The following ADAMTSL1 variants were observed in gnomAD, a reference collection of about 807,000 sequenced individuals.
The protein encoded by ADAMTSL1 is ADAMTS like 1.
ADAMTSL1 carries 126 observed loss-of-function variants against 201.8 expected under a neutral mutation model. That is an observed-to-expected ratio of 0.62 (90% confidence interval 0.54 to 0.72). ADAMTSL1 has a LOEUF of 0.72. ADAMTSL1 is among the 30% of genes least tolerant of loss of function. The pLI is 0.00. For synonymous variants in ADAMTSL1, 1,121 were observed against 903.4 expected, an observed-to-expected ratio of 1.24 and a Z score of -4.32; for missense variants, 2,679 against 2,277.8, an observed-to-expected ratio of 1.18 and a Z score of -3.59.
rs370702294 is a variant in ADAMTSL1, at chr9:17,908,910, T to G, written c.87+1988T>G. ...GGACTCGCCACACTGACTTCCACAA[T>G]GGTTGAACTAGTTTACAGTCCCACC... On this transcript the variant is annotated intron_variant, in intron 1 of 29. Transcript: ENST00000680146. 1.2e-3 allele frequency among the ~76,000 whole-genome samples: 177 copies of G among 152,078 alleles called. 2 individuals are homozygous for G. In the East Asian group the frequency reaches 0.017, roughly 15 times the overall value.
intron 21 of ADAMTSL1, among the ~76,000 whole-genome samples, chr9:18,824,033 G>C (rs1588170646): frequency 6.6e-6 from 1 of 151,078 alleles, no homozygotes; most frequent in African/African-American, 2.4e-5. Flanking sequence ...AGGAAGGAAG[G>C]AACGAAGGAA....
intron 2 of ADAMTSL1, among the ~76,000 whole-genome samples, chr9:18,299,637 C>A (rs959744864): frequency 6.6e-6 from 1 of 152,130 alleles, no homozygotes; most frequent in Non-Finnish European, 1.5e-5. Flanking sequence ...GAATTCTTAG[C>A]TTGTAATGGA....
intron 4 of ADAMTSL1, among the ~76,000 whole-genome samples, chr9:18,618,339 C>A (rs1825827140): frequency 1.3e-5 from 2 of 152,100 alleles, no homozygotes; most frequent in Non-Finnish European, 2.9e-5. Context: ...AAACTATTAG[C>A]AAACCATTAT....
chr9:18,863,632 A>C (rs1304642663), intron 23 of ADAMTSL1, among the ~76,000 whole-genome samples: 5 of 152,168 alleles, frequency 3.3e-5, no homozygotes, highest in African/African-American at 1.2e-4. Flanking sequence ...TTCCAATATG[A>C]ATTAATCATT....
intron 4 of ADAMTSL1, among the ~76,000 whole-genome samples, chr9:18,585,303 T>C (rs139829585): frequency 1.3e-5 from 2 of 152,322 alleles, no homozygotes; most frequent in African/African-American, 4.8e-5. Flanking sequence ...CCTTTGAAAT[T>C]AAGTGTAAGC....
chr9:18,389,274 C>T (rs901638762), intron 2 of ADAMTSL1, among the ~76,000 whole-genome samples: 1 of 151,196 alleles, frequency 6.6e-6, no homozygotes, highest in Non-Finnish European at 1.5e-5. Flanking sequence ...ATATATTGGC[C>T]ATGTCAATAA....
intron 9 of ADAMTSL1, among the ~76,000 whole-genome samples, chr9:18,668,096 T>A (rs1407945775): frequency 6.6e-6 from 1 of 152,056 alleles, no homozygotes; most frequent in Non-Finnish European, 1.5e-5. Context: ...TACTGTATAA[T>A]GAAATGTTTT....
intron 23 of ADAMTSL1, among the ~76,000 whole-genome samples, chr9:18,840,590 G>T (rs1231610660): frequency 6.6e-6 from 1 of 152,208 alleles, no homozygotes; most frequent in Non-Finnish European, 1.5e-5. Context: ...TTGGTAGCTT[G>T]ATGGGGATGG....
intron 23 of ADAMTSL1, among the ~76,000 whole-genome samples, chr9:18,887,013 GA>G (rs36050395): frequency 0.59 from 89,650 of 151,892 alleles, 27,389 homozygotes; most frequent in African/African-American, 0.76. Context: ...AACTGAGGGG[GA>G]AAAAAATCTA....
intron 14 of ADAMTSL1, among the ~76,000 whole-genome samples, chr9:18,710,663 TTTG>T (rs763435243): frequency 4.4e-5 from 5 of 113,638 alleles, no homozygotes; most frequent in African/African-American, 6.2e-5. Flanking sequence ...GGGCCTAAGT[TTTG>T]TTTTGTTTTT....
intron 3 of ADAMTSL1, among the ~76,000 whole-genome samples, chr9:18,553,639 G>A (rs1047229125): frequency 6.6e-6 from 1 of 151,710 alleles, no homozygotes; most frequent in African/African-American, 2.4e-5. Context: ...TCTGTATTTT[G>A]TTTGTCTGAA....
chr9:18,423,419 C>A (rs990099348), intron 2 of ADAMTSL1, among the ~76,000 whole-genome samples: 1 of 152,214 alleles, frequency 6.6e-6, no homozygotes, highest in African/African-American at 2.4e-5. Flanking sequence ...TAGATTCACA[C>A]TCTTATCCCC....
rs771295399 is a variant in ADAMTSL1 at position 18,889,549 on chromosome 9, G to T, written c.4463-19G>T. ...ATTATGCTATATTCTTTTCTACACTGCTCCTCCTCCCATGACAGATTACTG... is the reference window on the plus strand; with the variant it reads ...ATTATGCTATATTCTTTTCTACACTTCTCCTCCTCCCATGACAGATTACTG... On this transcript the variant is annotated intron_variant, in intron 24 of 28. Coordinates refer to ENST00000380548, the MANE Select transcript of ADAMTSL1 (RefSeq NM_001040272.6). 6 of 1,612,102 alleles carry T rather than the reference G, an allele frequency of 3.7e-6. No individual in the cohort carries two copies. The Admixed American group carries it at 1.0e-4, about 27-fold the overall frequency.
In ADAMTSL1 at chr9:18,504,032, C is replaced by A. The variant is rs76347368; in HGVS notation, c.64-797C>A. The stretch of plus-strand genomic sequence containing the variant: ...CAGTAGCATGGTTATAATATTACCC[C>A]AATTTGTAAAAAGGGAAATTGGGGC... On this transcript the variant is annotated intron_variant, in intron 1 of 28. Coordinates refer to ENST00000380548, the MANE Select transcript of ADAMTSL1 (RefSeq NM_001040272.6). Among the ~76,000 whole-genome samples the A allele has an allele frequency of 9.7e-3, 1,468 of 151,398 alleles. 25 individuals carry two copies. Among genetic ancestry groups the A allele is most frequent in the African/African-American group, 0.034 (1,386 of 40,992 alleles).
At chr9:18,143,909 T>C (rs1431417643) in intron 1 of ADAMTSL1, among the ~76,000 whole-genome samples, 6 of 152,176 alleles carry the variant, frequency 3.9e-5, no homozygotes, top group African/African-American at 1.4e-4. Context: ...TTTGTTTCTG[T>C]AGGAAAATGG....
intron 2 of ADAMTSL1, among the ~76,000 whole-genome samples, chr9:18,185,362 C>G (rs1236781030): frequency 2.0e-5 from 3 of 152,124 alleles, no homozygotes; most frequent in African/African-American, 7.2e-5. Context: ...AACCTGTAAA[C>G]TAAGAAGTAA....
At chr9:18,121,129 T>G (rs2131919695) in intron 1 of ADAMTSL1, among the ~76,000 whole-genome samples, 1 of 152,334 alleles carries the variant, frequency 6.6e-6, no homozygotes, top group East Asian at 1.9e-4. Context: ...AGGATACAGT[T>G]GGCTCTAGGA....
At chr9:18,014,946 C>A (rs1327492102) in intron 1 of ADAMTSL1, among the ~76,000 whole-genome samples, 1 of 152,006 alleles carries the variant, frequency 6.6e-6, no homozygotes, top group Non-Finnish European at 1.5e-5. Context: ...TCAAGAAAAG[C>A]CGTGTTAAAG....
At chr9:18,788,380 C>A (rs1252261379) in intron 19 of ADAMTSL1, among the ~76,000 whole-genome samples, 1 of 151,542 alleles carries the variant, frequency 6.6e-6, no homozygotes, top group Non-Finnish European at 1.5e-5. Flanking sequence ...TAATTACCCC[C>A]CCGCCCCGCC....
Sources: gnomAD v4.1 joint callset for allele counts (sites outside exome capture counted in the v4.1 genomes callset) on GRCh38, gnomAD v4.1.1 for gene constraint, MANE v1.5 for transcripts, NCBI Gene and HGNC (gene_info 2026-07-23, HGNC 2026-07-21) for gene names.